Variants in ADCY9 observed in about 807,000 individuals in gnomAD.
ADCY9 encodes the protein adenylate cyclase 9, also known as adenylate cyclase type 9.
In ADCY9, 50 loss-of-function variants were observed where a neutral mutation model predicts 101.5. The observed-to-expected ratio is 0.49, with a 90% CI of 0.39 to 0.62. The LOEUF is 0.62. ADCY9 is among the 20% of genes least tolerant of loss of function. The pLI is 0.00. For synonymous variants in ADCY9, 905 were observed against 769.3 expected (o/e 1.18, Z -2.92); for missense variants, 1,662 against 1,800.4 (o/e 0.92, Z 1.39).
intron 2 of ADCY9, among the ~76,000 whole-genome samples, chr16:4,046,393 A>G (rs12917625): frequency 0.092 from 14,008 of 152,114 alleles, 737 homozygotes; most frequent in Middle Eastern, 0.17. Flanking sequence ...CAATTCTCAC[A>G]TGAGCTTTGT....
intron 2 of ADCY9, among the ~76,000 whole-genome samples, chr16:4,025,990 C>T (rs944599869): frequency 6.6e-6 from 1 of 152,148 alleles, no homozygotes; most frequent in African/African-American, 2.4e-5. Flanking sequence ...TCTTTCAAAA[C>T]AGTGCTCCAA....
intron 2 of ADCY9, among the ~76,000 whole-genome samples, chr16:4,045,865 CTTTCTTTTTTTTTTTTTT>C (rs1264855161): frequency 1.8e-5 from 2 of 111,334 alleles, no homozygotes; most frequent in African/African-American, 6.3e-5. Flanking sequence ...TGCTTTTTTT[CTTTCTTTTTTTTTTTTTT>C]TTTTTTTGTA....
Position 4,025,354 on chromosome 16 carries a change from A to C in ADCY9, c.1694-17796T>G, listed in dbSNP as rs1277473943. Reference sequence around the variant, plus strand: ...GGTGCCACTGCACTCCAGCCAGGGCAACAGAGCAAGACTCTGTCTCCAAAA... The same window carrying C: ...GGTGCCACTGCACTCCAGCCAGGGCCACAGAGCAAGACTCTGTCTCCAAAA... On this transcript the variant is annotated intron_variant, in intron 2 of 10. Coordinates refer to ENST00000294016, the MANE Select transcript of ADCY9 (RefSeq NM_001116.4). Among the ~76,000 whole-genome samples the C allele has an allele frequency of 2.1e-5, 3 of 145,008 alleles. No homozygotes were observed. The East Asian group carries it at 6.0e-4, about 29-fold the overall frequency.
intron 2 of ADCY9, among the ~76,000 whole-genome samples, chr16:4,030,466 C>T (rs566024808): frequency 6.6e-6 from 1 of 152,074 alleles, no homozygotes; most frequent in Non-Finnish European, 1.5e-5. Context: ...CTTTGGGAGG[C>T]CTAGGCGGGT....
chr16:4,087,215 G>C (rs74595902), intron 2 of ADCY9, among the ~76,000 whole-genome samples: 4,495 of 151,872 alleles, frequency 0.03, 218 homozygotes, highest in African/African-American at 0.1. Flanking sequence ...ATGGAGATTC[G>C]TTTGTTCTGT....
chr16:4,101,401 T>G (rs962117182), intron 2 of ADCY9, among the ~76,000 whole-genome samples: 3 of 152,024 alleles, frequency 2.0e-5, no homozygotes, highest in African/African-American at 7.2e-5. Context: ...CATCTCAGTC[T>G]GCCAAGTAGC....
chr16:3,982,240 C>G (rs1021311101), intron 7 of ADCY9: 1 of 152,414 alleles, frequency 6.6e-6, no homozygotes, highest in African/African-American at 2.4e-5. Flanking sequence ...GCCTGCCCAC[C>G]CCAGATGGGA....
chr16:4,007,288 G>A, intron 3 of ADCY9, 80 bp downstream of exon 3: 2 of 1,287,964 alleles, frequency 1.6e-6, no homozygotes, highest in South Asian at 3.5e-5. Flanking sequence ...AGACCTGGAG[G>A]CTGCTTATTA....
At chr16:3,984,794 C>T (rs368049542) in intron 6 of ADCY9, among the ~76,000 whole-genome samples, 21 of 152,332 alleles carry the variant, frequency 1.4e-4, no homozygotes, top group African/African-American at 4.6e-4. Context: ...CGGCCAGGCT[C>T]GGGGCTGAGG....
At chr16:4,004,454 A>G (rs1419917841) in intron 3 of ADCY9, among the ~76,000 whole-genome samples, 1 of 152,180 alleles carries the variant, frequency 6.6e-6, no homozygotes, top group East Asian at 1.9e-4. Flanking sequence ...GAGGACACAC[A>G]TGCTAAGGGC....
intron 2 of ADCY9, among the ~76,000 whole-genome samples, chr16:4,018,904 A>G (rs2056456135): frequency 6.9e-6 from 1 of 144,856 alleles, no homozygotes; most frequent in Non-Finnish European, 1.5e-5. Flanking sequence ...ACTATGGACT[A>G]TGTATTTCGG....
At chr16:3,979,498 T>C (rs1597140652) in intron 7 of ADCY9, among the ~76,000 whole-genome samples, 1 of 152,352 alleles carries the variant, frequency 6.6e-6, no homozygotes, top group Admixed American at 6.5e-5. Flanking sequence ...GGGTCACATG[T>C]TGCGTTGTGA....
At chr16:4,035,386 TGG>T (rs2056582480) in intron 2 of ADCY9, among the ~76,000 whole-genome samples, 1 of 152,198 alleles carries the variant, frequency 6.6e-6, no homozygotes, top group Non-Finnish European at 1.5e-5. Context: ...CAATGATATG[TGG>T]GTATTAAATA....
At chr16:3,968,423 C>T (rs748553824) in intron 10 of ADCY9, among the ~76,000 whole-genome samples, 13 of 152,162 alleles carry the variant, frequency 8.5e-5, no homozygotes, top group South Asian at 2.1e-4. Flanking sequence ...TGAGCCACCG[C>T]GCCTGGCCTT....
At chr16:3,978,553 TGAAGAA>T (rs1290755526) in intron 8 of ADCY9, among the ~76,000 whole-genome samples, 8 of 152,146 alleles carry the variant, frequency 5.3e-5, no homozygotes, top group South Asian at 2.1e-4. Context: ...TGGAACTTGA[TGAAGAA>T]GAAGCCACAC....
chr16:4,086,325 C>T (rs1222167079), intron 2 of ADCY9, among the ~76,000 whole-genome samples: 1 of 152,092 alleles, frequency 6.6e-6, no homozygotes, highest in African/African-American at 2.4e-5. Flanking sequence ...AGCCACATGC[C>T]ATGTACTACG....
intron 2 of ADCY9, among the ~76,000 whole-genome samples, chr16:4,063,021 G>A (rs2141162087): frequency 6.6e-6 from 1 of 152,330 alleles, no homozygotes; most frequent in South Asian, 2.1e-4. Flanking sequence ...TGTAGACCAT[G>A]TCAAGCAACA....
chr16:4,046,037 T>C (rs2056662507), intron 2 of ADCY9, among the ~76,000 whole-genome samples: 1 of 151,508 alleles, frequency 6.6e-6, no homozygotes, highest in East Asian at 1.9e-4. Flanking sequence ...TTTTGTAGAG[T>C]TGGGGGTCTT....
rs148163058 is a variant in ADCY9, at chr16:4,107,419, C to T, written c.1693+6331G>A. ...TACAAAAATTAGCCGGGCGTGGTGG[C>T]GCACACCTGTAATCCCAGCTATTTG... On this transcript the variant is annotated intron_variant, in intron 2 of 10. Transcript: ENST00000294016. Among the ~76,000 whole-genome samples, 643 of 151,986 alleles carry T rather than the reference C, an allele frequency of 4.2e-3. 2 individuals are homozygous for T. The highest frequency in any genetic ancestry group is 7.8e-3 in the Non-Finnish European group (530 of 67,954).
Sources: gnomAD v4.1 joint callset for allele counts (sites outside exome capture counted in the v4.1 genomes callset) on GRCh38, gnomAD v4.1.1 for gene constraint, MANE v1.5 for transcripts, NCBI Gene and HGNC (gene_info 2026-07-23, HGNC 2026-07-21) for gene names.